The following RMND5A variants were observed in gnomAD, a reference collection of about 807,000 sequenced individuals.
RMND5A encodes the protein required for meiotic nuclear division 5 homolog A.
A neutral mutation model predicts 49.7 loss-of-function variants in RMND5A; 17 were observed. The ratio of observed to expected loss-of-function variants is 0.34; its 90% CI spans 0.23 to 0.51. The LOEUF (loss-of-function observed/expected upper bound fraction) is 0.51. Among genes scored for constraint, RMND5A ranks in the 20% least tolerant of loss-of-function variants. The probability of loss-of-function intolerance (pLI) is 0.96; values close to 1 mark genes in which losing one functional copy is unlikely to be tolerated. For missense variants in RMND5A, 255 were observed against 471.3 expected (o/e 0.54, Z 4.25); for synonymous variants, 156 against 167.7 (o/e 0.93, Z 0.54).
At chr2:86,744,322 T>C (rs1681500473) in intron 2 of RMND5A, among the ~76,000 whole-genome samples, 1 of 152,214 alleles carries the variant, frequency 6.6e-6, no homozygotes, top group South Asian at 2.1e-4. Flanking sequence ...GGGCAGCCTG[T>C]TGTAAAGGCT....
chr2:86,762,648 A>C (rs1573443131), intron 4 of RMND5A, among the ~76,000 whole-genome samples: 1 of 15,148 alleles, frequency 6.6e-5, no homozygotes, highest in East Asian at 0.02. Context: ...CTGTCTCAAA[A>C]AAAAAAAATA....
chr2:86,773,302 G>T (rs767800188), intron 8 of RMND5A, 46 bp from the exon 9 acceptor site: 1 of 1,110,844 alleles, frequency 9.0e-7, no homozygotes. Flanking sequence ...TGAATACACA[G>T]TACTGAGCCT....
intron 2 of RMND5A, among the ~76,000 whole-genome samples, chr2:86,747,748 G>A (rs536697320): frequency 3.3e-5 from 5 of 152,270 alleles, no homozygotes; most frequent in Admixed American, 3.3e-4. Context: ...AAACGGATGG[G>A]TTTTTGACGG....
intron 6 of RMND5A, among the ~76,000 whole-genome samples, chr2:86,767,673 C>G (rs975615920): frequency 7.2e-5 from 11 of 152,280 alleles, no homozygotes; most frequent in Middle Eastern, 3.4e-3. Flanking sequence ...AAGAGTCATT[C>G]AAAGTACAAG....
chr2:86,759,259 G>T (rs1201006659), intron 4 of RMND5A, among the ~76,000 whole-genome samples: 2 of 152,192 alleles, frequency 1.3e-5, no homozygotes, highest in East Asian at 1.9e-4. Flanking sequence ...AAATATGGAG[G>T]TAACTGTGTG....
At chr2:86,724,087 T>C (rs1314976810) in intron 1 of RMND5A, among the ~76,000 whole-genome samples, 1 of 144,060 alleles carries the variant, frequency 6.9e-6, no homozygotes, top group Non-Finnish European at 1.5e-5. Context: ...CAGGAATATC[T>C]TTTTTTTTTT....
chr2:86,761,025 G>T (rs750984168), intron 4 of RMND5A, among the ~76,000 whole-genome samples: 1 of 150,712 alleles, frequency 6.6e-6, no homozygotes, highest in Non-Finnish European at 1.5e-5. Flanking sequence ...GCTACTATTC[G>T]GGCCAAATTG....
chr2:86,761,452 G>A (rs969774819), intron 4 of RMND5A, among the ~76,000 whole-genome samples: 1 of 152,170 alleles, frequency 6.6e-6, no homozygotes, highest in African/African-American at 2.4e-5. Context: ...AATCCTGGAG[G>A]TATAAGAGAG....
chr2:86,754,622 A>G (rs1681696457), intron 4 of RMND5A, among the ~76,000 whole-genome samples: 1 of 152,148 alleles, frequency 6.6e-6, no homozygotes, highest in Non-Finnish European at 1.5e-5. Flanking sequence ...GCTAGAGTGC[A>G]GTGGCATAAT....
intron 4 of RMND5A, among the ~76,000 whole-genome samples, chr2:86,755,862 A>C (rs2104400140): frequency 6.6e-6 from 1 of 152,288 alleles, no homozygotes; most frequent in African/African-American, 2.4e-5. Flanking sequence ...GAGGGAATGT[A>C]GTGGTAATCA....
chr2:86,753,511 T>C lies in RMND5A; in HGVS notation c.474T>C (p.Asn158=). The C allele has an allele frequency of 1.2e-6, 2 of 1,611,992 alleles. No individual in the cohort carries two copies. The highest frequency in any genetic ancestry group is 2.2e-5 in the East Asian group (1 of 44,852). The change falls in exon 4 of 9, where the codon AAT becomes AAC. Residue 158 remains asparagine (N), a synonymous_variant. Coordinates refer to ENST00000283632, the MANE Select transcript of RMND5A (RefSeq NM_022780.4). ...AGAAGGAACCATTTGTGGAGTTAAA[T>C]AGAATATTAGAGGCATTAAAGGTCA... ...PSQKEPFVEL[N]RILEALKVRV...
chr2:86,767,425 C>CTT (rs11468234), intron 6 of RMND5A, among the ~76,000 whole-genome samples: 65 of 139,554 alleles, frequency 4.7e-4, no homozygotes, highest in Non-Finnish European at 6.6e-4. Flanking sequence ...TTTTGGCAGT[C>CTT]TTTTTTTTTT....
chr2:86,762,798 T>C (rs1672525876), intron 4 of RMND5A, among the ~76,000 whole-genome samples: 1 of 150,552 alleles, frequency 6.6e-6, no homozygotes, highest in South Asian at 2.1e-4. Context: ...CCCAGCACTT[T>C]GGGAGGCCAA....
intron 4 of RMND5A, among the ~76,000 whole-genome samples, chr2:86,760,148 G>A (rs1457315545): frequency 4.6e-5 from 7 of 152,046 alleles, no homozygotes; most frequent in East Asian, 2.0e-4. Context: ...GAGTTCAAGC[G>A]ATTCTCCTGC....
chr2:86,749,225 G>A (rs9309638), intron 2 of RMND5A, among the ~76,000 whole-genome samples: 100,934 of 151,954 alleles, frequency 0.66, 33,720 homozygotes, highest in East Asian at 0.91. Flanking sequence ...TAAAAATACT[G>A]ATGAACTGTT....
chr2:86,763,175 T>C (rs534892299), intron 4 of RMND5A, among the ~76,000 whole-genome samples: 5 of 137,278 alleles, frequency 3.6e-5, no homozygotes, highest in East Asian at 4.8e-4. Flanking sequence ...CTATTGACTT[T>C]TTTAAAATTA....
At chr2:86,768,428 C>T (rs572650245) in intron 6 of RMND5A, among the ~76,000 whole-genome samples, 5 of 152,282 alleles carry the variant, frequency 3.3e-5, no homozygotes, top group East Asian at 3.9e-4. Flanking sequence ...TAATGTGAGG[C>T]GCTGATGCCA....
chr2:86,754,865 C>G (rs2104399312), intron 4 of RMND5A, among the ~76,000 whole-genome samples: 1 of 152,220 alleles, frequency 6.6e-6, no homozygotes, highest in South Asian at 2.1e-4. Context: ...TTGGCCATTT[C>G]TCAGTTCTGA....
In RMND5A at chr2:86,725,708, A is replaced by G. The variant is rs556070552; in HGVS notation, c.142+4899A>G. Among the ~76,000 whole-genome samples the G allele has an allele frequency of 7.5e-5, 6 of 79,498 alleles. 2 individuals carry two copies. The East Asian group carries it at 7.1e-3, about 94-fold the overall frequency. The allele number at this position is 79,498 out of a possible 152,430, so 52.2% of individuals were successfully genotyped here. ...GCCCGACCTCCAGAAAAAATTTTAA[A>G]AGAATCCAGTGAAATGACGATTTGT... On this transcript the variant is annotated intron_variant, in intron 1 of 8. Coordinates refer to ENST00000283632, the MANE Select transcript of RMND5A (RefSeq NM_022780.4).
Sources: gnomAD v4.1 joint callset for allele counts (sites outside exome capture counted in the v4.1 genomes callset) on GRCh38, gnomAD v4.1.1 for gene constraint, MANE v1.5 for transcripts, NCBI Gene and HGNC (gene_info 2026-07-23, HGNC 2026-07-21) for gene names.